The following ATP13A4 variants were observed in gnomAD, a reference collection of about 807,000 sequenced individuals.
ATP13A4 encodes ATPase 13A4.
ATP13A4 carries 114 observed loss-of-function variants against 142.5 expected under a neutral mutation model. The observed-to-expected ratio is 0.80, with a 90% CI of 0.69 to 0.93. ATP13A4 has a LOEUF of 0.93. Among genes scored for constraint, ATP13A4 ranks in the 40% least tolerant of loss-of-function variants. ATP13A4 has a pLI of 0.00. For missense variants in ATP13A4, 1,392 were observed against 1,454.0 expected (o/e 0.96, Z 0.69); for synonymous variants, 488 against 514.8 (o/e 0.95, Z 0.70).
chr3:193,441,359 C>T, intron 20 of ATP13A4, 107 bp downstream of exon 20: 1 of 1,380,086 alleles, frequency 7.2e-7, no homozygotes, highest in Non-Finnish European at 1.0e-6. Flanking sequence ...AGAAAACTCA[C>T]TGAGTATATT....
In ATP13A4 at chr3:193,502,739, T is replaced by C. The variant is rs372226489; in HGVS notation, c.235-100A>G. The C allele has an allele frequency of 4.0e-6, 5 of 1,265,254 alleles. No individual in the cohort carries two copies. The African/African-American group carries it at 4.4e-5, about 11-fold the overall frequency. 78.4% of individuals were successfully genotyped at this position (1,265,254 alleles called of 1,614,324 possible). A position where few individuals can be genotyped will look rare whatever the true frequency, so the allele number is the denominator to read the frequency against. On this transcript the variant is annotated intron_variant, in intron 2 of 29. Transcript: ENST00000342695. ...ATTTTAATATAATTCTGTAAGTGTT[T>C]GGCGTTAGTGAATATTCTAGACAGA...
chr3:193,410,616 G>A (rs927656343), intron 28 of ATP13A4, among the ~76,000 whole-genome samples: 1 of 152,094 alleles, frequency 6.6e-6, no homozygotes, highest in African/African-American at 2.4e-5. Context: ...CTACTCGGGA[G>A]GCTGAAGTGG....
intron 25 of ATP13A4, chr3:193,416,881 T>G (rs187471272): frequency 4.5e-4 from 69 of 152,228 alleles, no homozygotes; most frequent in African/African-American, 1.6e-3. Context: ...GTAATTACAA[T>G]AGGTCAAACC....
Position 193,426,255 on chromosome 3 carries a change from T to C in ATP13A4, c.2842+7590A>G, listed in dbSNP as rs11928528. On this transcript the variant is annotated intron_variant, in intron 25 of 29. Coordinates refer to ENST00000342695, the MANE Select transcript of ATP13A4 (RefSeq NM_032279.4). ...CAATTCAAAGACAAACTTAAAAAAA[T>C]TCTATTTCCAAAAAATGAAATACCT... 7.1e-3 allele frequency among the ~76,000 whole-genome samples: 1,083 copies of C among 151,830 alleles called. 11 individuals are homozygous for C. The highest frequency in any genetic ancestry group is 0.025 in the African/African-American group (1,033 of 41,498).
intron 2 of ATP13A4, among the ~76,000 whole-genome samples, chr3:193,578,607 A>T (rs1724461156): frequency 6.6e-6 from 1 of 152,124 alleles, no homozygotes; most frequent in Non-Finnish European, 1.5e-5. Context: ...GGGTTTTTGA[A>T]GCAGTAACTG....
rs1217775272 is a variant in ATP13A4 at position 193,466,044 on chromosome 3, C to CA, written c.1252dup (p.Cys418LeufsTer6). 6.2e-7 allele frequency: 1 copy of CA among 1,614,174 alleles called. No individual in the cohort carries two copies. The highest frequency in any genetic ancestry group is 8.5e-7 in the Non-Finnish European group (1 of 1,180,006). Reference sequence around the variant, plus strand: ...GCTTACCCCACTAAGCACATAGACACACAGAGTATAGATCATCCCAATGGT... The same window carrying CA: ...GCTTACCCCACTAAGCACATAGACACAACAGAGTATAGATCATCCCAATGGT... On this transcript the variant is annotated frameshift_variant, in exon 11 of 30. Transcript: ENST00000342695. LOFTEE classifies it high-confidence loss of function.
intron 29 of ATP13A4, 128 bp from the exon 30 acceptor site, chr3:193,402,992 C>G: frequency 1.2e-6 from 1 of 832,318 alleles, no homozygotes; most frequent in East Asian, 2.7e-5. Flanking sequence ...AGCTTGACCA[C>G]TGGACCAATC....
chr3:193,573,975 G>A (rs942311261), intron 2 of ATP13A4, among the ~76,000 whole-genome samples: 6 of 152,116 alleles, frequency 3.9e-5, no homozygotes, highest in Non-Finnish European at 8.8e-5. Flanking sequence ...CTTGTGGGTG[G>A]TTGAATGATG....
chr3:193,429,060 C>T (rs979496023), intron 25 of ATP13A4, among the ~76,000 whole-genome samples: 1 of 151,994 alleles, frequency 6.6e-6, no homozygotes, highest in South Asian at 2.1e-4. Context: ...TATATGTTCA[C>T]TATTATTAGT....
chr3:193,500,300 AC>A (rs1356275620), intron 3 of ATP13A4, among the ~76,000 whole-genome samples: 3 of 152,058 alleles, frequency 2.0e-5, no homozygotes, highest in Non-Finnish European at 4.4e-5. Flanking sequence ...ATCCTGTTTA[AC>A]AAGTTAAGCA....
chr3:193,464,725 A>G (rs1718160839), intron 12 of ATP13A4, among the ~76,000 whole-genome samples: 1 of 152,112 alleles, frequency 6.6e-6, no homozygotes, highest in Non-Finnish European at 1.5e-5. Context: ...AAGGACCCAA[A>G]AAGATTCTCC....
chr3:193,486,275 G>T (rs1392089055), intron 7 of ATP13A4, among the ~76,000 whole-genome samples: 1 of 152,074 alleles, frequency 6.6e-6, no homozygotes, highest in African/African-American at 2.4e-5. Context: ...GAAGTTTATT[G>T]TAAGACCAAT....
chr3:193,489,034 T>C (rs1020572337), intron 7 of ATP13A4, among the ~76,000 whole-genome samples: 2 of 152,168 alleles, frequency 1.3e-5, no homozygotes. Flanking sequence ...TTTTCTGTCT[T>C]ATGGCTTCCA....
intron 1 of ATP13A4, among the ~76,000 whole-genome samples, chr3:193,529,688 AT>A (rs1405974165): frequency 6.6e-6 from 1 of 152,120 alleles, no homozygotes; most frequent in East Asian, 1.9e-4. Context: ...TTGTTTATTC[AT>A]TTGTTTTTTT....
chr3:193,517,019 T>C (rs1343786532), intron 1 of ATP13A4, among the ~76,000 whole-genome samples: 1 of 152,222 alleles, frequency 6.6e-6, no homozygotes, highest in African/African-American at 2.4e-5. Flanking sequence ...AAGCACATGA[T>C]ACATATTCTC....
intron 3 of ATP13A4, 96 bp downstream of exon 3, chr3:193,502,397 A>G: frequency 1.4e-6 from 2 of 1,393,846 alleles, no homozygotes; most frequent in South Asian, 2.3e-5. Context: ...CTATCAAATG[A>G]GGATTGGCAC....
At chr3:193,476,266 G>A (rs762994153) in intron 8 of ATP13A4, among the ~76,000 whole-genome samples, 14 of 152,064 alleles carry the variant, frequency 9.2e-5, no homozygotes, top group Non-Finnish European at 1.3e-4. Context: ...CTACTTCCCC[G>A]TCCATTTTTA....
chr3:193,589,885 G>A (rs2108750479), intron 1 of ATP13A4, among the ~76,000 whole-genome samples: 1 of 142,252 alleles, frequency 7.0e-6, no homozygotes, highest in South Asian at 2.3e-4. Context: ...GTTGTATAAT[G>A]TCATATTAAA....
At chr3:193,442,933 T>A (rs1716733339) in intron 18 of ATP13A4, among the ~76,000 whole-genome samples, 1 of 152,314 alleles carries the variant, frequency 6.6e-6, no homozygotes, top group Non-Finnish European at 1.5e-5. Flanking sequence ...GATGTATCTC[T>A]CCCACTGATT....
Sources: gnomAD v4.1 joint callset for allele counts (sites outside exome capture counted in the v4.1 genomes callset) on GRCh38, gnomAD v4.1.1 for gene constraint, MANE v1.5 for transcripts, NCBI Gene and HGNC (gene_info 2026-07-23, HGNC 2026-07-21) for gene names.